The following COL28A1 variants were observed in gnomAD, a reference collection of about 807,000 sequenced individuals.
COL28A1 encodes collagen alpha-1(XXVIII) chain.
In COL28A1, 161 loss-of-function variants were observed where a neutral mutation model predicts 150.2. The ratio of observed to expected loss-of-function variants is 1.07; its 90% CI spans 0.94 to 1.22. The LOEUF (loss-of-function observed/expected upper bound fraction) is 1.22. COL28A1 is among the 50% of genes most tolerant of loss of function. The pLI is 0.00. For synonymous variants in COL28A1, 552 were observed against 469.7 expected, an observed-to-expected ratio of 1.18 and a Z score of -2.26; for missense variants, 1,617 against 1,388.3, an observed-to-expected ratio of 1.16 and a Z score of -2.62.
the COL28A1 span, among the ~76,000 whole-genome samples, chr7:7,543,347 C>G: frequency 2.0e-5 from 3 of 152,176 alleles, no homozygotes; most frequent in Admixed American, 2.0e-4. Flanking sequence ...AACTTTGTAG[C>G]TGAATAATAT....
chr7:7,429,445 CTT>C (rs1491227877), intron 25 of COL28A1, among the ~76,000 whole-genome samples: 40 of 100,758 alleles, frequency 4.0e-4, no homozygotes, highest in African/African-American at 2.3e-3. Context: ...CACACACTCT[CTT>C]TCTCTCTGTG....
intron 27 of COL28A1, among the ~76,000 whole-genome samples, chr7:7,416,659 C>T (rs1327201709): frequency 6.6e-6 from 1 of 152,108 alleles, no homozygotes; most frequent in African/African-American, 2.4e-5. Flanking sequence ...GGGCAACATG[C>T]CTATTTGGCC....
chr7:7,510,290 GATT>G (rs1043397318), intron 9 of COL28A1, among the ~76,000 whole-genome samples: 3 of 151,818 alleles, frequency 2.0e-5, no homozygotes, highest in Non-Finnish European at 4.4e-5. Context: ...TTGATTGATT[GATT>G]GATTGATTTT....
rs909761130 is a variant in COL28A1 at position 7,427,383 on chromosome 7, A to G, written c.1998+5090T>C. The stretch of plus-strand genomic sequence containing the variant: ...TAGGGAGGTGGCTTTCTTCAAGTCC[A>G]CTTTGGAATTACATGCCCTTAACTT... On this transcript the variant is annotated intron_variant, in intron 25 of 34. Coordinates refer to ENST00000399429, the MANE Select transcript of COL28A1 (RefSeq NM_001037763.3). Among the ~76,000 whole-genome samples the G allele has an allele frequency of 3.3e-5, 5 of 152,194 alleles. No homozygotes were observed. In the East Asian group the frequency reaches 9.6e-4, roughly 29 times the overall value.
In COL28A1 at chr7:7,430,725, A is replaced by C. The variant is rs186210956; in HGVS notation, c.1998+1748T>G. ...ATTGTTTCACTCACAGCGTAAGATA[A>C]TGAGGTTTACCTATTGAATTTCTCT... is the stretch of plus-strand genomic sequence containing the variant. On this transcript the variant is annotated intron_variant, in intron 25 of 34. Coordinates refer to ENST00000399429, the MANE Select transcript of COL28A1 (RefSeq NM_001037763.3). 4.1e-4 allele frequency among the ~76,000 whole-genome samples: 63 copies of C among 152,320 alleles called. 1 individual carries two copies. The East Asian group carries it at 8.5e-3, about 21-fold the overall frequency.
intron 25 of COL28A1, chr7:7,420,154 A>T (rs1280270664): frequency 2.7e-6 from 1 of 367,630 alleles, no homozygotes; most frequent in Non-Finnish European, 4.8e-6. Context: ...AATCAAGTCA[A>T]TTAACTTCTT....
chr7:7,487,920 T>C (rs1262466228), intron 13 of COL28A1, among the ~76,000 whole-genome samples: 1 of 152,172 alleles, frequency 6.6e-6, no homozygotes, highest in Non-Finnish European at 1.5e-5. Flanking sequence ...AAGCAACCAC[T>C]GTAGCTGCCC....
chr7:7,487,559 C>T (rs1779695346), intron 13 of COL28A1, among the ~76,000 whole-genome samples: 1 of 152,116 alleles, frequency 6.6e-6, no homozygotes. Flanking sequence ...GCCTGGGCGA[C>T]AGAGCAAGAC....
chr7:7,415,748 G>A (rs1306197119), intron 27 of COL28A1, among the ~76,000 whole-genome samples: 2 of 152,094 alleles, frequency 1.3e-5, no homozygotes, highest in Non-Finnish European at 2.9e-5. Flanking sequence ...TGGTGAGGCT[G>A]GTCTCAAACT....
intron 25 of COL28A1, among the ~76,000 whole-genome samples, chr7:7,430,595 G>C (rs902961000): frequency 2.0e-5 from 3 of 151,918 alleles, no homozygotes; most frequent in African/African-American, 7.3e-5. Flanking sequence ...GTTTCCATTG[G>C]AATACACATA....
chr7:7,439,945 T>G (rs1254280327), intron 21 of COL28A1, among the ~76,000 whole-genome samples: 3 of 152,214 alleles, frequency 2.0e-5, no homozygotes, highest in African/African-American at 4.8e-5. Context: ...GTCAGCACCA[T>G]TTTTTAAAAA....
At chr7:7,496,528 C>A (rs1347976226) in intron 11 of COL28A1, among the ~76,000 whole-genome samples, 1 of 151,660 alleles carries the variant, frequency 6.6e-6, no homozygotes, top group Non-Finnish European at 1.5e-5. Flanking sequence ...TTTCTCCTAC[C>A]AATTCACCCA....
intron 27 of COL28A1, among the ~76,000 whole-genome samples, chr7:7,404,952 C>T (rs1267172961): frequency 6.6e-6 from 1 of 152,100 alleles, no homozygotes; most frequent in Non-Finnish European, 1.5e-5. Context: ...GGCATGATCA[C>T]GACTCACTGC....
intron 13 of COL28A1, among the ~76,000 whole-genome samples, chr7:7,486,013 A>G (rs961948912): frequency 6.6e-6 from 1 of 152,184 alleles, no homozygotes; most frequent in Non-Finnish European, 1.5e-5. Context: ...GGTATCAAAA[A>G]CATTTGCACT....
At chr7:7,389,114 T>C (rs1211372216) in intron 27 of COL28A1, among the ~76,000 whole-genome samples, 2 of 151,252 alleles carry the variant, frequency 1.3e-5, no homozygotes, top group African/African-American at 2.4e-5. Flanking sequence ...TCTTCTAGGG[T>C]TTTTTTTTAA....
At chr7:7,482,544 TTC>T (rs1173196287) in intron 13 of COL28A1, among the ~76,000 whole-genome samples, 6 of 146,840 alleles carry the variant, frequency 4.1e-5, no homozygotes, top group Non-Finnish European at 7.5e-5. Context: ...AAAAAAAAAA[TTC>T]ACATCATTGA....
chr7:7,456,114 T>C lies in COL28A1; in HGVS notation c.1303-2A>G. On this transcript the variant is annotated splice_acceptor_variant, in intron 15 of 34. Transcript: ENST00000399429. LOFTEE classifies it high-confidence loss of function. ...GGGTCCCACAGGTCCTATATCCCCC[T>C]GCACAGAAAATAAGCCAGGAAATAT... 1 of 1,611,350 alleles carries C rather than the reference T, an allele frequency of 6.2e-7. No homozygotes were observed. The highest frequency in any genetic ancestry group is 8.5e-7 in the Non-Finnish European group (1 of 1,178,640).
chr7:7,479,926 A>C (rs1789251665), intron 13 of COL28A1, among the ~76,000 whole-genome samples: 1 of 152,254 alleles, frequency 6.6e-6, no homozygotes, highest in Non-Finnish European at 1.5e-5. Context: ...TACAACAAGA[A>C]TCTTAGAAGA....
intron 21 of COL28A1, among the ~76,000 whole-genome samples, chr7:7,439,849 C>T (rs975395586): frequency 2.0e-5 from 3 of 152,200 alleles, no homozygotes; most frequent in African/African-American, 7.2e-5. Flanking sequence ...GATTTGTAAT[C>T]ATCCCCAGGT....
Sources: gnomAD v4.1 joint callset for allele counts (sites outside exome capture counted in the v4.1 genomes callset) on GRCh38, gnomAD v4.1.1 for gene constraint, MANE v1.5 for transcripts, NCBI Gene and HGNC (gene_info 2026-07-23, HGNC 2026-07-21) for gene names.